Variants in GALNT13 observed in about 807,000 individuals in gnomAD.
The protein encoded by GALNT13 is UDP-GalNAc:polypeptide N-acetylgalactosaminyltransferase 13.
GALNT13 carries 28 observed loss-of-function variants against 64.2 expected under a neutral mutation model. The observed-to-expected ratio is 0.44, with a 90% CI of 0.32 to 0.60. The LOEUF (loss-of-function observed/expected upper bound fraction) is 0.60. Ranked by LOEUF, GALNT13 falls within the 20% of genes least tolerant of loss-of-function variation. GALNT13 has a pLI of 0.05. For synonymous variants in GALNT13, 214 were observed against 224.6 expected (o/e 0.95, Z 0.42); for missense variants, 577 against 669.8 (o/e 0.86, Z 1.53).
At chr2:153,381,188 C>T in the GALNT13 span, among the ~76,000 whole-genome samples, 9 of 152,218 alleles carry the variant, frequency 5.9e-5, no homozygotes, top group Admixed American at 2.0e-4. Flanking sequence ...CTCAAGCCAT[C>T]GATCCTCCTC....
the GALNT13 span, among the ~76,000 whole-genome samples, chr2:153,854,858 T>G: frequency 6.6e-6 from 1 of 152,116 alleles, no homozygotes; most frequent in African/African-American, 2.4e-5. Context: ...TCAGTTCAAT[T>G]TTGGAAAGGA....
At chr2:153,656,764 T>C in the GALNT13 span, among the ~76,000 whole-genome samples, 1 of 152,108 alleles carries the variant, frequency 6.6e-6, no homozygotes, top group Non-Finnish European at 1.5e-5. Flanking sequence ...TAGGTGAGCA[T>C]GTCAGCTAGG....
At chr2:153,785,587 G>A in the GALNT13 span, among the ~76,000 whole-genome samples, 203 of 152,208 alleles carry the variant, frequency 1.3e-3, no homozygotes, top group Non-Finnish European at 2.1e-3. Context: ...GTGGCAGAGG[G>A]GCTTTCAATT....
intron 8 of GALNT13, among the ~76,000 whole-genome samples, chr2:154,292,952 G>A (rs1463692230): frequency 1.3e-5 from 2 of 152,144 alleles, no homozygotes; most frequent in East Asian, 3.9e-4. Context: ...CCTAGCAGGG[G>A]AAATAGAGTA....
the GALNT13 span, among the ~76,000 whole-genome samples, chr2:153,376,159 A>G: frequency 9.2e-5 from 14 of 152,336 alleles, no homozygotes; most frequent in African/African-American, 3.4e-4. Flanking sequence ...TGGAAGCTCA[A>G]ATATTCAAAC....
At chr2:153,929,895 C>T (rs747540248) in intron 2 of GALNT13, among the ~76,000 whole-genome samples, 6 of 151,918 alleles carry the variant, frequency 3.9e-5, no homozygotes, top group East Asian at 1.9e-4. Context: ...AATGGTAGTT[C>T]GGTTTTAAGC....
chr2:154,342,157 C>T (rs1018399961), intron 9 of GALNT13, among the ~76,000 whole-genome samples: 1 of 151,844 alleles, frequency 6.6e-6, no homozygotes, highest in Non-Finnish European at 1.5e-5. Context: ...AAAGTTCAGG[C>T]TGGAGATATA....
the GALNT13 span, among the ~76,000 whole-genome samples, chr2:153,721,975 A>G: frequency 3.4e-5 from 5 of 148,034 alleles, no homozygotes; most frequent in Admixed American, 6.7e-5. Flanking sequence ...CATCTACAGA[A>G]CTCTCCACCC....
chr2:153,535,044 G>T, the GALNT13 span, among the ~76,000 whole-genome samples: 56 of 151,982 alleles, frequency 3.7e-4, no homozygotes, highest in South Asian at 0.011. Context: ...TATGGAGAGA[G>T]AATGGGCGAT....
the GALNT13 span, among the ~76,000 whole-genome samples, chr2:153,643,340 A>C: frequency 6.6e-6 from 1 of 151,744 alleles, no homozygotes; most frequent in African/African-American, 2.4e-5. Flanking sequence ...ATACAGCAGA[A>C]GATAAAGGAT....
intron 4 of GALNT13, among the ~76,000 whole-genome samples, chr2:154,235,444 G>A (rs1201897666): frequency 6.6e-6 from 1 of 152,100 alleles, no homozygotes; most frequent in Non-Finnish European, 1.5e-5. Flanking sequence ...CTTTTTGGTT[G>A]CCCAAGTTTT....
At position 154,438,529 on chromosome 2, in the gene GALNT13, A is replaced by T. The variant is rs1353968612; in HGVS notation, c.1396-63A>T. On this transcript the variant is annotated intron_variant, in intron 11 of 12. Coordinates refer to ENST00000392825, the MANE Select transcript of GALNT13 (RefSeq NM_052917.4). ...CTGATACGAAAGCTTCCCTGGATAG[A>T]TCTGCTCTATTGTGACATTTTAAAA... 6 of 1,262,828 alleles carry T rather than the reference A, an allele frequency of 4.8e-6. No individual in the cohort carries two copies. The Admixed American group carries it at 1.1e-4, about 22-fold the overall frequency. The allele number at this position is 1,262,828 out of a possible 1,614,324, so 78.2% of individuals were successfully genotyped here.
chr2:154,014,465 T>C lies in GALNT13; in HGVS notation c.142+69826T>C, dbSNP rs7560632. Among the ~76,000 whole-genome samples the C allele has an allele frequency of 2.8e-3, 418 of 150,310 alleles. 1 individual carries two copies. Among genetic ancestry groups the C allele is most frequent in the African/African-American group, 9.9e-3 (395 of 40,092 alleles). On this transcript the variant is annotated intron_variant, in intron 3 of 12. Coordinates refer to ENST00000392825, the MANE Select transcript of GALNT13 (RefSeq NM_052917.4). ...ATTCCTCCCGCTTCAGTCCAGTATC[T>C]TCATCCTCCTTCCGTCCACTCTCAG... is the stretch of plus-strand genomic sequence containing the variant.
intron 9 of GALNT13, among the ~76,000 whole-genome samples, chr2:154,366,134 T>C (rs1331044002): frequency 2.0e-5 from 3 of 152,128 alleles, no homozygotes; most frequent in South Asian, 4.1e-4. Flanking sequence ...CCAAAGCCAT[T>C]AGGAAAGATT....
the GALNT13 span, among the ~76,000 whole-genome samples, chr2:153,199,015 G>A: frequency 6.6e-6 from 1 of 152,164 alleles, no homozygotes; most frequent in Non-Finnish European, 1.5e-5. Context: ...CTTTATGTGA[G>A]CCTTCATTCC....
At chr2:153,908,454 A>T (rs1475163640) in intron 2 of GALNT13, among the ~76,000 whole-genome samples, 2 of 152,104 alleles carry the variant, frequency 1.3e-5, no homozygotes, top group East Asian at 3.8e-4. Context: ...TTTTGTCGTG[A>T]AACCTTTAAC....
At chr2:153,224,926 A>G in the GALNT13 span, among the ~76,000 whole-genome samples, 9 of 152,232 alleles carry the variant, frequency 5.9e-5, no homozygotes, top group Admixed American at 5.9e-4. Context: ...AGTGATCCAT[A>G]TTATTTTCCA....
chr2:153,788,303 A>G, the GALNT13 span, among the ~76,000 whole-genome samples: 1 of 152,202 alleles, frequency 6.6e-6, no homozygotes, highest in Non-Finnish European at 1.5e-5. Flanking sequence ...ATTCTTAAAA[A>G]GAAAAGTAAC....
intron 3 of GALNT13, among the ~76,000 whole-genome samples, chr2:154,046,226 G>A (rs1699276743): frequency 6.6e-6 from 1 of 152,172 alleles, no homozygotes; most frequent in Non-Finnish European, 1.5e-5. Flanking sequence ...TTGGGAGGCT[G>A]AAGCAGGAGG....
Sources: allele counts gnomAD v4.1 joint callset (sites outside exome capture counted in the v4.1 genomes callset), GRCh38; gene constraint gnomAD v4.1.1; transcripts MANE v1.5; gene names NCBI Gene and HGNC (gene_info 2026-07-23, HGNC 2026-07-21).